The following NYNRIN variants were observed in gnomAD, a reference collection of about 807,000 sequenced individuals.
NYNRIN encodes the protein protein NYNRIN.
In NYNRIN, 86 loss-of-function variants were observed where a neutral mutation model predicts 146.6. That is an observed-to-expected ratio of 0.59 (90% CI 0.49 to 0.70). The LOEUF is 0.70. Among genes scored for constraint, NYNRIN ranks in the 30% least tolerant of loss-of-function variants. The pLI, the probability that NYNRIN is intolerant of heterozygous loss-of-function variation, is 0.00. For synonymous variants in NYNRIN, 1,027 were observed against 1,001.3 expected (o/e 1.03, Z -0.48); for missense variants, 2,191 against 2,377.7 (o/e 0.92, Z 1.63).
In NYNRIN at chr14:24,416,462, G is replaced by A. The variant is rs1254746125; in HGVS notation, c.4713G>A (p.Trp1571Ter). Reference sequence around the variant, plus strand: ...ACAAGAAGTTGCGTTTGCTGGGGTGGTGGCCTGGGATGCAGGAGCATGTGA... The same window carrying A: ...ACAAGAAGTTGCGTTTGCTGGGGTGATGGCCTGGGATGCAGGAGCATGTGA... ...ETYKKLRLLGWWPGMQEHVKD... is the reference protein window; with the variant it reads ...ETYKKLRLLG Residue 1571 changes from tryptophan (W) to a stop codon, truncating the protein, a stop_gained, in exon 9 of 9, where the codon TGG becomes TGA. Coordinates refer to ENST00000382554, the MANE Select transcript of NYNRIN (RefSeq NM_025081.3). LOFTEE classifies it high-confidence loss of function. 1.2e-6 allele frequency: 2 copies of A among 1,613,244 alleles called. No individual in the cohort carries two copies. Among genetic ancestry groups the A allele is most frequent in the Non-Finnish European group, 1.7e-6 (2 of 1,179,592 alleles).
chr14:24,413,564 G>A, intron 8 of NYNRIN, 147 bp downstream of exon 8: 1 of 581,726 alleles, frequency 1.7e-6, no homozygotes. Context: ...ATGTTTATGT[G>A]TTCATAAACC....
intron 2 of NYNRIN, among the ~76,000 whole-genome samples, chr14:24,407,375 G>A (rs1342925307): frequency 6.6e-6 from 1 of 152,154 alleles, no homozygotes; most frequent in Non-Finnish European, 1.5e-5. Flanking sequence ...GGGGGCAGGC[G>A]TGTTGTGTGA....
chr14:24,413,407 A>C lies in NYNRIN; in HGVS notation c.2836A>C (p.Lys946Gln). 6.2e-7 allele frequency: 1 copy of C among 1,610,948 alleles called. No homozygotes were observed. Among genetic ancestry groups the C allele is most frequent in the Non-Finnish European group, 8.5e-7 (1 of 1,178,426 alleles). The change falls in exon 8 of 9, where the codon AAG becomes CAG. Residue 946 changes from lysine to glutamine, a missense_variant. Physicochemically the swap from Lys to Gln is moderately conservative, Grantham distance 53 (BLOSUM62 1). Coordinates refer to ENST00000382554, the MANE Select transcript of NYNRIN (RefSeq NM_025081.3). ...DGPTLDEFLK[K>Q]PNRLDTDIGN... is the part of the protein sequence containing the mutation. The stretch of plus-strand genomic sequence containing the variant: ...CCCCACCTTGGATGAGTTTCTGAAG[A>C]AGCCAAACAGGTAATAGGTCAGACC...
In NYNRIN at chr14:24,410,140, C is replaced by T; in HGVS notation, c.2346C>T (p.Asn782=). 1.9e-6 allele frequency: 3 copies of T among 1,613,470 alleles called. No individual in the cohort carries two copies. The highest frequency in any genetic ancestry group is 2.5e-6 in the Non-Finnish European group (3 of 1,179,568). The change falls in exon 4 of 9, where the codon AAC becomes AAT. Residue 782 remains asparagine (N), a synonymous_variant. Transcript: ENST00000382554. The part of the protein sequence containing the change: ...HEALNTPFEL[N]LSGEPGNQGL... The stretch of plus-strand genomic sequence containing the variant: ...CCCTGAATACACCCTTCGAGCTGAA[C>T]CTGTCAGGGGAACCTGGAAACCAGG...
intron 6 of NYNRIN, chr14:24,412,472 A>G (rs939147006): frequency 6.5e-6 from 1 of 154,570 alleles, no homozygotes; most frequent in Admixed American, 6.5e-5. Context: ...TAGCGTATAT[A>G]TGTCTGTATG....
rs753256579 is a variant in NYNRIN at position 24,415,544 on chromosome 14, A to C, written c.3795A>C (p.Lys1265Asn). ...LIRWSLLVQD[K>N]GKRALELALL... ...GATGGTCCCTCTTGGTTCAGGACAAAGGCAAGAGGGCCCTGGAATTGGCCC... is the reference window on the plus strand; with the variant it reads ...GATGGTCCCTCTTGGTTCAGGACAACGGCAAGAGGGCCCTGGAATTGGCCC... Residue 1265 changes from lysine (K) to asparagine (N), a missense_variant, in exon 9 of 9, where the codon AAA (lysine) becomes AAC (asparagine). Lys to Asn is a moderately conservative substitution (Grantham distance 94). This residue lies in a region of NYNRIN where 1,291 missense variants were observed against 1,417.0 expected (regional missense o/e 0.91). Transcript: ENST00000382554. 3.7e-6 allele frequency: 6 copies of C among 1,613,758 alleles called. No homozygotes were observed. The highest frequency in any genetic ancestry group is 5.1e-6 in the Non-Finnish European group (6 of 1,179,770).
Position 24,408,653 on chromosome 14 carries a change from G to A in NYNRIN, c.859G>A (p.Val287Ile), listed in dbSNP as rs755328039. ...PQEAANQLVR[V>I]GSNNQDGMDS... ...TCAATGAACTTGGGCTTCCTCCAGGGTCGGTTCCAACAACCAAGATGGTAT... is the reference window on the plus strand; with the variant it reads ...TCAATGAACTTGGGCTTCCTCCAGGATCGGTTCCAACAACCAAGATGGTAT... Residue 287 changes from valine to isoleucine, a missense_variant and splice_region_variant, in exon 4 of 9, where the codon GTC becomes ATC. Around this residue, in one of 3 missense-constraint regions of NYNRIN, gnomAD observed 895 missense variants for 941.2 expected, o/e 0.95. Transcript: ENST00000382554. 8 of 1,595,588 alleles carry A rather than the reference G, an allele frequency of 5.0e-6. No individual in the cohort carries two copies. The South Asian group carries it at 6.8e-5, about 14-fold the overall frequency.
chr14:24,400,464 T>C (rs1327891652), intron 2 of NYNRIN, among the ~76,000 whole-genome samples: 1 of 152,182 alleles, frequency 6.6e-6, no homozygotes, highest in Non-Finnish European at 1.5e-5. Flanking sequence ...TACCTATATC[T>C]TAATTGGTCA....
rs922960463 is a variant in NYNRIN at position 24,411,288 on chromosome 14, C to G, written c.2546-66C>G. 1.9e-6 allele frequency: 3 copies of G among 1,612,290 alleles called. No individual in the cohort carries two copies. In the African/African-American group the frequency reaches 4.0e-5, roughly 22 times the overall value. ...GCCTTGCTGCCCCGACCCTCTGCCA[C>G]CCCAGAGTGGCCATTTCCACTTAGC... On this transcript the variant is annotated intron_variant, in intron 5 of 8. Transcript: ENST00000382554. This position sits in a 1 kb window ranked among gnomAD's most constrained non-coding sequence, Gnocchi z 4.3.
At position 24,418,168 on chromosome 14, in the gene NYNRIN, C is replaced by A. The variant is rs2042961328; in HGVS notation, c.*722C>A. The A allele has an allele frequency of 4.7e-6, 2 of 429,902 alleles. No individual in the cohort carries two copies. The highest frequency in any genetic ancestry group is 9.3e-6 in the Non-Finnish European group (2 of 214,714). 26.6% of individuals were successfully genotyped at this position (429,902 alleles called of 1,614,324 possible). On this transcript the variant is annotated 3_prime_UTR_variant, in exon 9 of 9. Transcript: ENST00000382554. ...TGGGTTGGCCTACCTCATTTGACTC[C>A]AGCCAATGGAGACAATTCCTGACCC...
At position 24,414,722 on chromosome 14, in the gene NYNRIN, A is replaced by G. The variant is rs1350660488; in HGVS notation, c.2973A>G (p.Glu991=). Residue 991 remains glutamate (E), a synonymous_variant, in exon 9 of 9, where the codon GAA becomes GAG. Transcript: ENST00000382554. ...GPLESLPNME[E]VREEKEERQD... Reference sequence around the variant, plus strand: ...TGGAGAGTCTGCCGAATATGGAAGAAGTCAGGGAAGAGAAGGAGGAGAGGC... The same window carrying G: ...TGGAGAGTCTGCCGAATATGGAAGAGGTCAGGGAAGAGAAGGAGGAGAGGC... 6.2e-7 allele frequency: 1 copy of G among 1,613,624 alleles called. No individual in the cohort carries two copies. Among genetic ancestry groups the G allele is most frequent in the Non-Finnish European group, 8.5e-7 (1 of 1,179,678 alleles).
intron 2 of NYNRIN, among the ~76,000 whole-genome samples, chr14:24,406,942 A>G (rs2042878616): frequency 6.6e-6 from 1 of 152,266 alleles, no homozygotes; most frequent in Non-Finnish European, 1.5e-5. Context: ...TGGTCTGCCC[A>G]GAAAGCCAGA....
Position 24,409,846 on chromosome 14 carries a change from G to C in NYNRIN, c.2052G>C (p.Gln684His), listed in dbSNP as rs1316546284. Residue 684 changes from glutamine (Q) to histidine (H), a missense_variant, in exon 4 of 9, where the codon CAG becomes CAC. Physicochemically the swap from Gln to His is conservative, Grantham distance 24. Transcript: ENST00000382554. ...GAGCTCCCAAAACACCTGCAGCTCAGAAGGTGCCCACGGATGCAGGGCCAA... is the reference window on the plus strand; with the variant it reads ...GAGCTCCCAAAACACCTGCAGCTCACAAGGTGCCCACGGATGCAGGGCCAA... ...VSRAPKTPAA[Q>H]KVPTDAGPTL... The C allele has an allele frequency of 1.5e-5, 24 of 1,613,546 alleles. No individual in the cohort carries two copies. The highest frequency in any genetic ancestry group is 2.0e-5 in the Non-Finnish European group (24 of 1,179,706).
rs1228260491 is a variant in NYNRIN at position 24,411,517 on chromosome 14, A to C, written c.2642+67A>C. ...TGGGCCTGGCTGGTGTGTCAGGTGG[A>C]GTCCGGCCTGTCTTCTCTGGGGAAA... On this transcript the variant is annotated intron_variant, in intron 6 of 8. Transcript: ENST00000382554. This position sits in a 1 kb window ranked among gnomAD's most constrained non-coding sequence, Gnocchi z 4.3. The C allele has an allele frequency of 1.1e-5, 15 of 1,367,976 alleles. No individual in the cohort carries two copies. The highest frequency in any genetic ancestry group is 1.5e-5 in the Non-Finnish European group (14 of 960,962). The allele number at this position is 1,367,976 out of a possible 1,614,324, so 84.7% of individuals were successfully genotyped here.
At chr14:24,400,215 C>T (rs2042832584) in intron 2 of NYNRIN, among the ~76,000 whole-genome samples, 1 of 152,156 alleles carries the variant, frequency 6.6e-6, no homozygotes, top group African/African-American at 2.4e-5. Flanking sequence ...GATGAAAGGG[C>T]TTGCTATGTG....
At chr14:24,407,583 C>T (rs1341182495) in intron 2 of NYNRIN, among the ~76,000 whole-genome samples, 1 of 152,194 alleles carries the variant, frequency 6.6e-6, no homozygotes, top group Non-Finnish European at 1.5e-5. Flanking sequence ...CACAATTAAC[C>T]TAATCAGTTG....
At chr14:24,407,782 AG>A (rs1409843953) in intron 2 of NYNRIN, 86 bp from the exon 3 acceptor site, 20 of 1,291,150 alleles carry the variant, frequency 1.5e-5, no homozygotes. Flanking sequence ...ATGGTTAGTG[AG>A]GGGCTGGCCT....
At position 24,399,383 on chromosome 14, in the gene NYNRIN, C is replaced by CG; in HGVS notation, c.139dup (p.Asp47GlyfsTer79). The CG allele has an allele frequency of 6.2e-7, 1 of 1,613,740 alleles. No individual in the cohort carries two copies. The highest frequency in any genetic ancestry group is 1.3e-5 in the African/African-American group (1 of 75,044). ...AAGCTGAACGCCTTCCAGAGCCGCCCGGACACCCCCTACTTCTGGCTACAG... is the reference window on the plus strand; with the variant it reads ...AAGCTGAACGCCTTCCAGAGCCGCCCGGGACACCCCCTACTTCTGGCTACAG... On this transcript the variant is annotated frameshift_variant, in exon 2 of 9. Coordinates refer to ENST00000382554, the MANE Select transcript of NYNRIN (RefSeq NM_025081.3). LOFTEE classifies it high-confidence loss of function.
At position 24,416,524 on chromosome 14, in the gene NYNRIN, G is replaced by A. The variant is rs545743634; in HGVS notation, c.4775G>A (p.Arg1592Gln). 45 of 1,613,746 alleles carry A rather than the reference G, an allele frequency of 2.8e-5. No individual in the cohort carries two copies. Among genetic ancestry groups the A allele is most frequent in the Non-Finnish European group, 3.5e-5 (41 of 1,179,862 alleles). ...AGGAGCTGCTTGTTCTGCATCCCCC[G>A]AAATCTCATAGGCAGCGAGTTGAAG... ...YCRSCLFCIP[R>Q]NLIGSELKVI... The change falls in exon 9 of 9, where the codon CGA becomes CAA. Residue 1592 changes from arginine to glutamine, a missense_variant. Arg to Gln is a conservative substitution (Grantham distance 43, BLOSUM62 1). Transcript: ENST00000382554.
Sources: gnomAD v4.1 joint callset for allele counts (sites outside exome capture counted in the v4.1 genomes callset) on GRCh38, gnomAD v4.1.1 for gene constraint, gnomAD v4.1.1 regional missense constraint, Gnocchi (gnomAD v3.1) non-coding constraint, MANE v1.5 for transcripts, NCBI Gene and HGNC (gene_info 2026-07-23, HGNC 2026-07-21) for gene names.